MYLK: variants seen among roughly 807,000 people sequenced by gnomAD.
MYLK encodes the protein myosin light chain kinase, also known as myosin light chain kinase, smooth muscle.
A neutral mutation model predicts 203.4 loss-of-function variants in MYLK; 106 were observed. The observed-to-expected ratio is 0.52, with a 90% CI of 0.45 to 0.61. MYLK has a LOEUF of 0.61. MYLK is among the 20% of genes least tolerant of loss of function. The pLI is 0.00. For synonymous variants in MYLK, 867 were observed against 959.5 expected, an observed-to-expected ratio of 0.90 and a Z score of 1.78; for missense variants, 2,072 against 2,442.3, an observed-to-expected ratio of 0.85 and a Z score of 3.20.
intron 20 of MYLK, among the ~76,000 whole-genome samples, chr3:123,673,834 A>G (rs138701881): frequency 7.7e-4 from 118 of 152,292 alleles, no homozygotes; most frequent in Non-Finnish European, 1.3e-3. Flanking sequence ...TGCAAACTCC[A>G]TGATGGCTGC....
At chr3:123,820,640 T>TTCCTTCCC (rs1560259828) in intron 3 of MYLK, among the ~76,000 whole-genome samples, 1 of 116,306 alleles carries the variant, frequency 8.6e-6, no homozygotes, top group Non-Finnish European at 1.8e-5. Context: ...CCTTCCTTCC[T>TTCCTTCCC]TCCCTCCTTC....
intron 29 of MYLK, among the ~76,000 whole-genome samples, chr3:123,637,402 G>A (rs1019372510): frequency 6.6e-6 from 1 of 152,144 alleles, no homozygotes; most frequent in East Asian, 1.9e-4. Flanking sequence ...GTAAGGAGCC[G>A]CCTAGGTGAG....
chr3:123,657,401 G>C lies in MYLK; in HGVS notation c.4013C>G (p.Pro1338Arg). Residue 1338 changes from proline to arginine, a missense_variant, in exon 24 of 34, where the codon CCT becomes CGT. Around this residue, in one of 3 missense-constraint regions of MYLK, gnomAD observed 524 missense variants for 782.4 expected, o/e 0.67. Transcript: ENST00000360304. Reference sequence around the variant, plus strand: ...GGAGCTCCGAATGTCAGAGGCACAAGGTGTGCCAGCTGGGGGGTCTGGCTT... The same window carrying C: ...GGAGCTCCGAATGTCAGAGGCACAACGTGTGCCAGCTGGGGGGTCTGGCTT... ...VDKPDPPAGT[P>R]CASDIRSSSL... 1 of 1,613,768 alleles carries C rather than the reference G, an allele frequency of 6.2e-7. No individual in the cohort carries two copies.
intron 3 of MYLK, among the ~76,000 whole-genome samples, chr3:123,809,901 C>G (rs188421809): frequency 3.8e-4 from 58 of 152,326 alleles, no homozygotes; most frequent in Non-Finnish European, 6.5e-4. Flanking sequence ...ACATAGGAAT[C>G]CTCTTCTATA....
chr3:123,682,567 G>A (rs1442875345), intron 19 of MYLK, among the ~76,000 whole-genome samples: 1 of 152,248 alleles, frequency 6.6e-6, no homozygotes, highest in East Asian at 1.9e-4. Context: ...TGAGCGCACA[G>A]GCTGCCCAGG....
intron 13 of MYLK, among the ~76,000 whole-genome samples, chr3:123,712,774 G>A (rs17299640): frequency 0.023 from 3,470 of 152,344 alleles, 51 homozygotes; most frequent in Middle Eastern, 0.041. Flanking sequence ...ACGGGGAGTC[G>A]TGGTATCATC....
In MYLK at chr3:123,640,221, C is replaced by A; in HGVS notation, c.4837+66G>T. On this transcript the variant is annotated intron_variant, in intron 28 of 33. Coordinates refer to ENST00000360304, the MANE Select transcript of MYLK (RefSeq NM_053025.4). The surrounding 1 kb of genome is among the most constrained non-coding windows in gnomAD (Gnocchi z 4.3). ...AATACTGTATGTTTCCTCTCACACT[C>A]AGTGTGAGAGGAAACGGCCAGTGCA... is the stretch of plus-strand genomic sequence containing the variant. The A allele has an allele frequency of 1.4e-6, 2 of 1,392,092 alleles. No homozygotes were observed. The highest frequency in any genetic ancestry group is 2.0e-6 in the Non-Finnish European group (2 of 978,642). The allele number at this position is 1,392,092 out of a possible 1,614,324, so 86.2% of individuals were successfully genotyped here.
At chr3:123,717,880 G>T (rs1194198534) in intron 13 of MYLK, among the ~76,000 whole-genome samples, 4 of 117,446 alleles carry the variant, frequency 3.4e-5, no homozygotes, top group African/African-American at 1.4e-4. Flanking sequence ...TTTTGAGACA[G>T]GGTCTTGCTC....
At chr3:123,625,471 GA>G (rs35888792) in intron 31 of MYLK, among the ~76,000 whole-genome samples, 5,041 of 137,262 alleles carry the variant, frequency 0.037, 109 homozygotes, top group Middle Eastern at 0.067. Flanking sequence ...TTGTCTCGAG[GA>G]AAAAAAAAAA....
intron 23 of MYLK, chr3:123,659,685 C>T (rs765818256): frequency 1.9e-6 from 1 of 518,446 alleles, no homozygotes; most frequent in Non-Finnish European, 3.9e-6. Flanking sequence ...GGGATGAAAA[C>T]TCTCAGAAAA....
At chr3:123,866,733 C>T (rs568423860) in intron 2 of MYLK, among the ~76,000 whole-genome samples, 2 of 152,242 alleles carry the variant, frequency 1.3e-5, no homozygotes, top group South Asian at 2.1e-4. Context: ...GCTCACACCT[C>T]GTCACCCAGA....
chr3:123,848,169 T>C (rs2030280023), intron 2 of MYLK, among the ~76,000 whole-genome samples: 1 of 152,022 alleles, frequency 6.6e-6, no homozygotes, highest in East Asian at 1.9e-4. Flanking sequence ...ATTTTCAGAG[T>C]ATAGGTTTTT....
At chr3:123,831,731 T>C in intron 2 of MYLK, 61 bp from the exon 3 acceptor site, 1 of 246,176 alleles carries the variant, frequency 4.1e-6, no homozygotes, top group Non-Finnish European at 8.3e-6. Context: ...AAAAGGGATG[T>C]GGGAGCGGCT....
At chr3:123,803,330 T>C (rs1256545664) in intron 3 of MYLK, among the ~76,000 whole-genome samples, 1 of 152,156 alleles carries the variant, frequency 6.6e-6, no homozygotes, top group Admixed American at 6.5e-5. Flanking sequence ...GATTTTAAAG[T>C]TTCTGTCAGA....
At chr3:123,728,171 A>T (rs1035885425) in intron 11 of MYLK, among the ~76,000 whole-genome samples, 1 of 152,226 alleles carries the variant, frequency 6.6e-6, no homozygotes, top group Non-Finnish European at 1.5e-5. Flanking sequence ...GCCAGAAATT[A>T]ACCACAGGCT....
chr3:123,700,987 G>T lies in MYLK; in HGVS notation c.2481C>A (p.Ser827Arg). ...RALPRGREPA[S>R]CEDLCGGGVG... Reference sequence around the variant, plus strand: ...CTCCTCCACCACAGAGGTCCTCGCAGCTGGCAGGCTCCCTCCCCCTGCAAC... The same window carrying T: ...CTCCTCCACCACAGAGGTCCTCGCATCTGGCAGGCTCCCTCCCCCTGCAAC... The change falls in exon 18 of 34, where the codon AGC (serine) becomes AGA (arginine). Residue 827 changes from serine to arginine, a missense_variant. Physicochemically the swap from Ser to Arg is moderately radical, Grantham distance 110. Around this residue, in one of 3 missense-constraint regions of MYLK, gnomAD observed 865 missense variants for 1,016.0 expected, o/e 0.85. Coordinates refer to ENST00000360304, the MANE Select transcript of MYLK (RefSeq NM_053025.4). 1 of 1,606,002 alleles carries T rather than the reference G, an allele frequency of 6.2e-7. No individual in the cohort carries two copies.
At chr3:123,811,768 CT>C (rs1358143500) in intron 3 of MYLK, among the ~76,000 whole-genome samples, 1 of 152,206 alleles carries the variant, frequency 6.6e-6, no homozygotes, top group Non-Finnish European at 1.5e-5. Context: ...AGAACATTTT[CT>C]TTCAAGCAAT....
rs563356473 is a variant in MYLK, at chr3:123,682,286, T to C, written c.3590A>G (p.Lys1197Arg). The change falls in exon 20 of 34, where the codon AAG (lysine) becomes AGG (arginine). Residue 1197 changes from lysine (K) to arginine (R), a missense_variant. Physicochemically the swap from Lys to Arg is conservative, Grantham distance 26 (BLOSUM62 2). Around this residue, in one of 3 missense-constraint regions of MYLK, gnomAD observed 865 missense variants for 1,016.0 expected, o/e 0.85. Coordinates refer to ENST00000360304, the MANE Select transcript of MYLK (RefSeq NM_053025.4). Reference sequence around the variant, plus strand: ...CCTCCGGGATTTCATCTCTGGGGCCTTGGTGTTCTCACTGGCTGGAGCATC... The same window carrying C: ...CCTCCGGGATTTCATCTCTGGGGCCCTGGTGTTCTCACTGGCTGGAGCATC... ...VDDAPASENTKAPEMKSRRPK... is the reference protein window; with the variant it reads ...VDDAPASENTRAPEMKSRRPK... 6.2e-6 allele frequency: 10 copies of C among 1,603,512 alleles called. No individual in the cohort carries two copies. The highest frequency in any genetic ancestry group is 5.3e-5 in the African/African-American group (4 of 74,980).
At chr3:123,803,982 T>A (rs886246875) in intron 3 of MYLK, among the ~76,000 whole-genome samples, 4 of 151,850 alleles carry the variant, frequency 2.6e-5, no homozygotes, top group African/African-American at 9.7e-5. Context: ...AGAGAACTAA[T>A]AATAGTTGCC....
Sources: gnomAD v4.1 joint callset for allele counts (sites outside exome capture counted in the v4.1 genomes callset) on GRCh38, gnomAD v4.1.1 for gene constraint, gnomAD v4.1.1 regional missense constraint, Gnocchi (gnomAD v3.1) non-coding constraint, MANE v1.5 for transcripts, NCBI Gene and HGNC (gene_info 2026-07-23, HGNC 2026-07-21) for gene names.